Variants in NCALD observed in about 807,000 individuals in gnomAD.
The protein encoded by NCALD is neurocalcin delta, also known as neurocalcin-delta.
A neutral mutation model predicts 18.6 loss-of-function variants in NCALD; 10 were observed. That is an observed-to-expected ratio of 0.54 (90% CI 0.33 to 0.91). The LOEUF (loss-of-function observed/expected upper bound fraction) is 0.91, where lower values mean the gene tolerates loss of function less well. NCALD is among the 40% of genes least tolerant of loss of function. The pLI is 0.03. For missense variants in NCALD, 184 were observed against 247.6 expected (o/e 0.74, Z 1.72); for synonymous variants, 88 against 87.4 (o/e 1.01, Z -0.04).
chr8:102,046,040 A>C (rs556430451), intron 1 of NCALD, among the ~76,000 whole-genome samples: 1 of 152,352 alleles, frequency 6.6e-6, no homozygotes, highest in South Asian at 2.1e-4. Flanking sequence ...TTCCATGTAC[A>C]TTGTAAATAA....
intron 1 of NCALD, among the ~76,000 whole-genome samples, chr8:101,733,996 G>A (rs1360231758): frequency 6.6e-6 from 1 of 152,172 alleles, no homozygotes. Flanking sequence ...CACGAGCCCC[G>A]CTTGAGTGTC....
intron 2 of NCALD, among the ~76,000 whole-genome samples, chr8:101,943,947 AC>A (rs993802045): frequency 1.3e-5 from 2 of 148,450 alleles, no homozygotes; most frequent in Admixed American, 6.8e-5. Flanking sequence ...TCTCAAAAAA[AC>A]AAAACAAAAA....
At chr8:101,880,297 G>A (rs1478603320) in intron 4 of NCALD, among the ~76,000 whole-genome samples, 1 of 152,148 alleles carries the variant, frequency 6.6e-6, no homozygotes, top group Non-Finnish European at 1.5e-5. Flanking sequence ...TCGGAGTGCG[G>A]GGCCCACTGA....
intron 4 of NCALD, among the ~76,000 whole-genome samples, chr8:101,880,541 G>T (rs1320120798): frequency 6.6e-6 from 1 of 152,240 alleles, no homozygotes; most frequent in African/African-American, 2.4e-5. Flanking sequence ...AGTGAGGGCT[G>T]TGAGGGCTGC....
chr8:102,033,023 G>A (rs1375378968), intron 1 of NCALD, among the ~76,000 whole-genome samples: 1 of 152,162 alleles, frequency 6.6e-6, no homozygotes, highest in Non-Finnish European at 1.5e-5. Context: ...TATGAAGTGG[G>A]CAAAGATTTG....
At position 102,038,613 on chromosome 8, in the gene NCALD, G is replaced by A. The variant is rs370867290; in HGVS notation, c.-209-18324C>T. Among the ~76,000 whole-genome samples, 18 of 152,266 alleles carry A rather than the reference G, an allele frequency of 1.2e-4. No homozygotes were observed. In the South Asian group the frequency reaches 3.7e-3, roughly 32 times the overall value. On this transcript the variant is annotated intron_variant, in intron 1 of 6. Transcript: ENST00000311028. ...TGCAGCATTCACCAGAATAGCACAT[G>A]AATACATTTCAGTGGCATATCCATA... is the stretch of plus-strand genomic sequence containing the variant.
intron 1 of NCALD, among the ~76,000 whole-genome samples, chr8:101,781,725 C>T (rs375182832): frequency 5.9e-5 from 9 of 152,254 alleles, no homozygotes; most frequent in African/African-American, 1.4e-4. Context: ...TCAATATCAA[C>T]GCATTACTCT....
At chr8:102,031,070 G>A (rs1424484469) in intron 1 of NCALD, among the ~76,000 whole-genome samples, 1 of 151,990 alleles carries the variant, frequency 6.6e-6, no homozygotes, top group East Asian at 1.9e-4. Flanking sequence ...CAAATGTTAT[G>A]TGCTTCCTGA....
upstream of NCALD, among the ~76,000 whole-genome samples, chr8:101,795,870 G>A (rs1385774520): frequency 6.6e-6 from 1 of 152,190 alleles, no homozygotes; most frequent in African/African-American, 2.4e-5. Context: ...GAATCACAGA[G>A]AAGATATTCC....
intron 2 of NCALD, among the ~76,000 whole-genome samples, chr8:101,919,307 T>C (rs912050894): frequency 3.9e-5 from 6 of 152,148 alleles, no homozygotes; most frequent in African/African-American, 1.4e-4. Flanking sequence ...AAAATGGTGC[T>C]CAGATAGCTG....
At chr8:102,056,727 C>G (rs1025316072) in intron 1 of NCALD, among the ~76,000 whole-genome samples, 1 of 152,254 alleles carries the variant, frequency 6.6e-6, no homozygotes, top group Non-Finnish European at 1.5e-5. Flanking sequence ...GACTTAAAGT[C>G]TCTTTAGAGA....
At chr8:102,053,182 G>T (rs1485111932) in intron 1 of NCALD, among the ~76,000 whole-genome samples, 2 of 152,102 alleles carry the variant, frequency 1.3e-5, no homozygotes, top group Non-Finnish European at 2.9e-5. Flanking sequence ...TTCACCATAT[G>T]TCATAATCTC....
chr8:101,964,131 TCTAA>T (rs1373673057), intron 2 of NCALD, among the ~76,000 whole-genome samples: 1 of 152,164 alleles, frequency 6.6e-6, no homozygotes, highest in Non-Finnish European at 1.5e-5. Flanking sequence ...ATGGCTCTCT[TCTAA>T]CTATCTTATT....
intron 4 of NCALD, among the ~76,000 whole-genome samples, chr8:101,858,705 T>G (rs1478723107): frequency 6.6e-6 from 1 of 152,022 alleles, no homozygotes; most frequent in Non-Finnish European, 1.5e-5. Flanking sequence ...GTACAGATAT[T>G]TATGGGTTCC....
intron 1 of NCALD, among the ~76,000 whole-genome samples, chr8:102,062,106 C>CA (rs1186568625): frequency 6.6e-6 from 1 of 152,164 alleles, no homozygotes; most frequent in Non-Finnish European, 1.5e-5. Context: ...TTTCACTTTT[C>CA]AAAAATGTCG....
intron 2 of NCALD, among the ~76,000 whole-genome samples, chr8:101,953,562 G>C (rs1464537384): frequency 6.6e-6 from 1 of 152,216 alleles, no homozygotes; most frequent in Non-Finnish European, 1.5e-5. Flanking sequence ...TAAAATGAAG[G>C]ATCAGAGATC....
At chr8:102,070,191 T>C (rs1824137423) in intron 1 of NCALD, 1 of 152,152 alleles carries the variant, frequency 6.6e-6, no homozygotes, top group Non-Finnish European at 1.5e-5. Context: ...TATTTCTAGA[T>C]GGTAGGAGTT....
At chr8:101,992,687 A>T (rs547754618) in intron 2 of NCALD, among the ~76,000 whole-genome samples, 1 of 152,250 alleles carries the variant, frequency 6.6e-6, no homozygotes, top group Admixed American at 6.5e-5. Flanking sequence ...CAGTTTCTGG[A>T]ATGGGGTCAT....
At chr8:101,700,037 T>C (rs962810724) in intron 2 of NCALD, among the ~76,000 whole-genome samples, 1 of 151,520 alleles carries the variant, frequency 6.6e-6, no homozygotes, top group African/African-American at 2.4e-5. Context: ...TTTTTATTTA[T>C]TTATTTATTT....
Sources: gnomAD v4.1 joint callset for allele counts (sites outside exome capture counted in the v4.1 genomes callset) on GRCh38, gnomAD v4.1.1 for gene constraint, MANE v1.5 for transcripts, NCBI Gene and HGNC (gene_info 2026-07-23, HGNC 2026-07-21) for gene names.